CA10: variants seen among roughly 807,000 people sequenced by gnomAD.
The protein encoded by CA10 is carbonic anhydrase 10 (inactive).
A neutral mutation model predicts 44.2 loss-of-function variants in CA10; 14 were observed. That is an observed-to-expected ratio of 0.32 (90% CI 0.21 to 0.50). The LOEUF is 0.50. Among genes scored for constraint, CA10 ranks in the 20% least tolerant of loss-of-function variants. The pLI is 0.99. For synonymous variants in CA10, 159 were observed against 141.6 expected (o/e 1.12, Z -0.87); for missense variants, 350 against 409.7 (o/e 0.85, Z 1.26).
intron 4 of CA10, among the ~76,000 whole-genome samples, chr17:51,686,552 T>TA (rs904227436): frequency 5.9e-5 from 9 of 151,970 alleles, no homozygotes; most frequent in African/African-American, 2.4e-5. Flanking sequence ...TTGAGGATAT[T>TA]AAAAAAAATC....
At chr17:51,807,249 G>A (rs1381927246) in intron 3 of CA10, among the ~76,000 whole-genome samples, 1 of 152,212 alleles carries the variant, frequency 6.6e-6, no homozygotes, top group Non-Finnish European at 1.5e-5. Context: ...AGACCCTGGA[G>A]AGCATTTGCT....
At chr17:51,953,170 T>C (rs990277333) in intron 2 of CA10, among the ~76,000 whole-genome samples, 1 of 152,174 alleles carries the variant, frequency 6.6e-6, no homozygotes, top group Non-Finnish European at 1.5e-5. Flanking sequence ...TGTTTTTACA[T>C]TGAAATATTT....
In CA10 at chr17:51,837,079, A is replaced by AACACACACAC. The variant is rs5820881; in HGVS notation, c.280-89271_280-89262dup. ...TGTATACATTGATTTGAGTTCAGACAACACACACACACACACACACACACA... is the reference window on the plus strand; with the variant it reads ...TGTATACATTGATTTGAGTTCAGACAACACACACACACACACACACACACACACACACACA... On this transcript the variant is annotated intron_variant, in intron 3 of 8. Coordinates refer to ENST00000451037, the MANE Select transcript of CA10 (RefSeq NM_020178.5). 9.1e-3 allele frequency among the ~76,000 whole-genome samples: 1,358 copies of AACACACACAC among 149,956 alleles called. 6 individuals carry two copies. Among genetic ancestry groups the AACACACACAC allele is most frequent in the South Asian group, 0.015 (70 of 4,678 alleles).
intron 3 of CA10, among the ~76,000 whole-genome samples, chr17:51,893,003 T>G (rs1261995008): frequency 6.6e-6 from 1 of 152,166 alleles, no homozygotes; most frequent in African/African-American, 2.4e-5. Flanking sequence ...TTAAAATTGA[T>G]AGTTTATAAA....
chr17:51,931,560 G>T lies in CA10; in HGVS notation c.137-428C>A, dbSNP rs554220880. 2.0e-5 allele frequency among the ~76,000 whole-genome samples: 3 copies of T among 152,246 alleles called. No homozygotes were observed. The South Asian group carries it at 6.2e-4, about 32-fold the overall frequency. On this transcript the variant is annotated intron_variant, in intron 2 of 8. Transcript: ENST00000451037. ...CTTATCCTATTTGGAAGTTTTTCAA[G>T]GAAAGTGTCATTCAGTGTACACAAA...
chr17:51,674,555 G>A (rs1199261727), intron 4 of CA10, among the ~76,000 whole-genome samples: 1 of 152,074 alleles, frequency 6.6e-6, no homozygotes, highest in Non-Finnish European at 1.5e-5. Flanking sequence ...GGCATATATA[G>A]AACAGCCTCT....
intron 2 of CA10, among the ~76,000 whole-genome samples, chr17:51,941,445 C>T (rs1983074324): frequency 6.6e-6 from 1 of 152,092 alleles, no homozygotes; most frequent in Non-Finnish European, 1.5e-5. Context: ...ATTTTTCTTG[C>T]CCCATGTAAT....
intron 2 of CA10, among the ~76,000 whole-genome samples, chr17:51,946,026 G>A (rs1265305646): frequency 6.6e-6 from 1 of 152,084 alleles, no homozygotes; most frequent in Non-Finnish European, 1.5e-5. Context: ...TGAACCTGGG[G>A]GGCGGCTTAT....
intron 4 of CA10, among the ~76,000 whole-genome samples, chr17:51,687,303 T>A (rs2143410975): frequency 6.6e-6 from 1 of 152,338 alleles, no homozygotes; most frequent in South Asian, 2.1e-4. Flanking sequence ...CCTTCTTAGA[T>A]CATTCTTAGT....
intron 4 of CA10, among the ~76,000 whole-genome samples, chr17:51,701,488 ATTTT>A (rs375022385): frequency 4.3e-4 from 58 of 134,944 alleles, no homozygotes; most frequent in African/African-American, 2.1e-3. Context: ...TTATTTATTT[ATTTT>A]TTTTATGTTT....
intron 3 of CA10, among the ~76,000 whole-genome samples, chr17:51,853,244 G>A (rs1227365712): frequency 6.6e-6 from 1 of 152,212 alleles, no homozygotes; most frequent in Non-Finnish European, 1.5e-5. Context: ...CTAATCAGGA[G>A]TGGGGTGATT....
intron 3 of CA10, among the ~76,000 whole-genome samples, chr17:51,785,533 G>T (rs1341572836): frequency 6.6e-6 from 1 of 152,160 alleles, no homozygotes; most frequent in Non-Finnish European, 1.5e-5. Flanking sequence ...CGCCAGTGAA[G>T]ATGTAGAGAA....
At chr17:51,783,352 A>G (rs1395459876) in intron 3 of CA10, among the ~76,000 whole-genome samples, 3 of 152,212 alleles carry the variant, frequency 2.0e-5, no homozygotes, top group African/African-American at 7.2e-5. Context: ...TAATGAATTA[A>G]TTACATGGTA....
At chr17:52,041,799 T>G (rs1986775781) in intron 2 of CA10, among the ~76,000 whole-genome samples, 1 of 152,070 alleles carries the variant, frequency 6.6e-6, no homozygotes, top group African/African-American at 2.4e-5. Flanking sequence ...CTTCTATGAG[T>G]TCTAATTTTT....
At chr17:52,138,687 C>T (rs1024946087) in intron 1 of CA10, among the ~76,000 whole-genome samples, 1 of 152,202 alleles carries the variant, frequency 6.6e-6, no homozygotes, top group African/African-American at 2.4e-5. Context: ...GCTCAGTCCA[C>T]ACCAGTGATG....
intron 2 of CA10, among the ~76,000 whole-genome samples, chr17:52,008,077 T>C (rs1394698940): frequency 6.6e-6 from 1 of 151,764 alleles, no homozygotes; most frequent in African/African-American, 2.4e-5. Flanking sequence ...TTTTTCTTAA[T>C]CAGTCTTGCT....
intron 1 of CA10, among the ~76,000 whole-genome samples, chr17:52,151,463 T>C (rs893864020): frequency 2.6e-5 from 4 of 152,140 alleles, no homozygotes; most frequent in Non-Finnish European, 5.9e-5. Context: ...ACGACAGAGT[T>C]AATTGCTCTT....
intron 4 of CA10, among the ~76,000 whole-genome samples, chr17:51,706,014 C>T (rs1226677037): frequency 2.6e-5 from 4 of 152,248 alleles, no homozygotes; most frequent in East Asian, 1.9e-4. Context: ...ATCTGTGTAG[C>T]GCAGTGGTTG....
intron 1 of CA10, among the ~76,000 whole-genome samples, chr17:52,072,678 T>TACACACACACACACACACACAC (rs58984767): frequency 1.4e-5 from 2 of 140,180 alleles, no homozygotes; most frequent in African/African-American, 5.4e-5. Context: ...ATCTTCCCCA[T>TACACACACACACACACACACAC]ACACACACAC....
Sources: allele counts gnomAD v4.1 joint callset (sites outside exome capture counted in the v4.1 genomes callset), GRCh38; gene constraint gnomAD v4.1.1; transcripts MANE v1.5; gene names NCBI Gene and HGNC (gene_info 2026-07-23, HGNC 2026-07-21).